The following DNAH11 variants were observed in gnomAD, a reference collection of about 807,000 sequenced individuals.
The protein encoded by DNAH11 is axonemal beta dynein heavy chain 11.
Under a neutral mutation model 526.0 loss-of-function variants are expected in DNAH11, and 442 were observed. The ratio of observed to expected loss-of-function variants is 0.84; its 90% CI spans 0.78 to 0.91. The LOEUF (loss-of-function observed/expected upper bound fraction) is 0.91, where lower values mean the gene tolerates loss of function less well. DNAH11 is among the 40% of genes least tolerant of loss of function. The pLI, the probability that DNAH11 is intolerant of heterozygous loss-of-function variation, is 0.00. For missense variants in DNAH11, 6,989 were observed against 5,448.7 expected (o/e 1.28, Z -8.90); for synonymous variants, 2,461 against 1,935.9 (o/e 1.27, Z -7.12).
intron 57 of DNAH11, among the ~76,000 whole-genome samples, chr7:21,782,905 C>G (rs1328302557): frequency 9.6e-6 from 1 of 103,644 alleles, no homozygotes; most frequent in Non-Finnish European, 2.0e-5. Context: ...ACGAAACTGT[C>G]TCAAAAAAAA....
chr7:21,889,644 A>G (rs1334299807), intron 76 of DNAH11, among the ~76,000 whole-genome samples: 1 of 152,230 alleles, frequency 6.6e-6, no homozygotes, highest in Admixed American at 6.5e-5. Context: ...GTCCCTGAAG[A>G]CTAACAATGT....
intron 6 of DNAH11, among the ~76,000 whole-genome samples, chr7:21,567,312 C>T (rs754568143): frequency 2.0e-5 from 3 of 152,052 alleles, no homozygotes; most frequent in African/African-American, 7.2e-5. Flanking sequence ...CCTCTTGTCA[C>T]CTACATGTTC....
At chr7:21,802,242 C>T (rs937980918) in intron 62 of DNAH11, among the ~76,000 whole-genome samples, 4 of 152,188 alleles carry the variant, frequency 2.6e-5, no homozygotes, top group African/African-American at 9.6e-5. Context: ...AGATGCTCAA[C>T]TCCATTAGTC....
At position 21,867,839 on chromosome 7, in the gene DNAH11, T is replaced by TC. The variant is rs55692559; in HGVS notation, c.11691-20_11691-19insC. 11,655 of 1,555,124 alleles carry TC rather than the reference T, an allele frequency of 7.5e-3. 740 individuals carry two copies. The African/African-American group carries it at 0.14, about 18-fold the overall frequency. ...AGGTCAAAACCACTGATCATGTTTT[T>TC]ATATTCTTGTTTTTTATAGAAATTT... On this transcript the variant is annotated intron_variant, in intron 71 of 81. Coordinates refer to ENST00000409508, the MANE Select transcript of DNAH11 (RefSeq NM_001277115.2).
intron 68 of DNAH11, among the ~76,000 whole-genome samples, chr7:21,859,957 G>C (rs1261159741): frequency 6.6e-6 from 1 of 152,060 alleles, no homozygotes; most frequent in Non-Finnish European, 1.5e-5. Context: ...CTCCAAAGAT[G>C]TTATAAAAAT....
intron 25 of DNAH11, among the ~76,000 whole-genome samples, chr7:21,631,416 A>G (rs1786602391): frequency 6.6e-6 from 1 of 152,198 alleles, no homozygotes; most frequent in Non-Finnish European, 1.5e-5. Context: ...TCAAGAGTCC[A>G]CAGTTGTTCA....
chr7:21,864,500 C>T (rs754231991), intron 69 of DNAH11, 35 bp from the exon 70 acceptor site: 3 of 1,600,762 alleles, frequency 1.9e-6, no homozygotes, highest in South Asian at 1.1e-5. Context: ...TTCATGTAAA[C>T]CTAATAATCC....
At chr7:21,704,773 A>G in intron 38 of DNAH11, 145 bp downstream of exon 38, 2 of 887,832 alleles carry the variant, frequency 2.3e-6, no homozygotes, top group South Asian at 2.2e-5. Context: ...TTCATATGGC[A>G]GGATTAAGTA....
intron 25 of DNAH11, among the ~76,000 whole-genome samples, chr7:21,621,364 T>A (rs1042944585): frequency 2.6e-5 from 4 of 152,104 alleles, no homozygotes; most frequent in African/African-American, 9.7e-5. Context: ...CAGGACCAGA[T>A]GGATTCACAG....
intron 62 of DNAH11, among the ~76,000 whole-genome samples, chr7:21,804,223 C>T (rs949496553): frequency 2.6e-5 from 4 of 152,160 alleles, no homozygotes; most frequent in Admixed American, 2.6e-4. Flanking sequence ...ATTCTCCTGC[C>T]TCAGCCTCCC....
At chr7:21,589,116 A>G (rs1784582983) in intron 11 of DNAH11, 92 bp from the exon 12 acceptor site, 4 of 978,714 alleles carry the variant, frequency 4.1e-6, no homozygotes, top group South Asian at 2.2e-5. Flanking sequence ...TTTATAGTGT[A>G]TTATATTTTA....
Position 21,558,808 on chromosome 7 carries a change from G to C in DNAH11, c.502G>C (p.Val168Leu). The C allele has an allele frequency of 6.3e-7, 1 of 1,575,358 alleles. No individual in the cohort carries two copies. The highest frequency in any genetic ancestry group is 2.3e-5 in the East Asian group (1 of 43,686). The change falls in exon 3 of 82, where the codon GTG (valine) becomes CTG (leucine). Residue 168 changes from valine to leucine, a missense_variant. Transcript: ENST00000409508. Reference sequence around the variant, plus strand: ...TATGTTTCTCTTTCTCTAGATTTTAGTGCCAGTTCTTTCTAATAAGAACAA... The same window carrying C: ...TATGTTTCTCTTTCTCTAGATTTTACTGCCAGTTCTTTCTAATAAGAACAA... The part of the protein sequence containing the change: ...HVSAFLDEIL[V>L]PVLSNKNNHK...
At position 21,711,885 on chromosome 7, in the gene DNAH11, G is replaced by A. The variant is rs72657351; in HGVS notation, c.6983+25G>A. On this transcript the variant is annotated intron_variant, in intron 42 of 81. Transcript: ENST00000409508. ...CGTGAGTATTTCTTTTTGTTTTATT[G>A]TAGTAAATTGTATGTAACATAACAT... 65 of 1,576,236 alleles carry A rather than the reference G, an allele frequency of 4.1e-5. 1 individual carries two copies. Among genetic ancestry groups the A allele is most frequent in the Admixed American group, 1.5e-4 (8 of 53,818 alleles).
In DNAH11 at chr7:21,744,974, G is replaced by C. The variant is rs770842569; in HGVS notation, c.8421G>C (p.Leu2807=). ...TGCCAGTGAAGGACTGGGAAGTGCT[G>C]AAGACGATTCTTACAGAAACGTTAG... ...HYMPVKDWEV[L]KTILTETLDN... is the part of the protein sequence containing the mutation. The change falls in exon 51 of 82, where the codon CTG becomes CTC. Residue 2807 remains leucine, a synonymous_variant. Transcript: ENST00000409508. The C allele has an allele frequency of 9.3e-6, 15 of 1,610,122 alleles. No individual in the cohort carries two copies. The highest frequency in any genetic ancestry group is 1.2e-5 in the Non-Finnish European group (14 of 1,178,246).
At position 21,787,491 on chromosome 7, in the gene DNAH11, G is replaced by T. The variant is rs1405362925; in HGVS notation, c.9832G>T (p.Asp3278Tyr). ...AGTGGTGAATGAACACTATTTGAAA[G>T]ACCCAGAGTTTAATCCAAACCTGAT... ...LKVVNEHYLK[D>Y]PEFNPNLIRT... The change falls in exon 60 of 82, where the codon GAC becomes TAC. Residue 3278 changes from aspartate to tyrosine, a missense_variant. Transcript: ENST00000409508. 6.2e-7 allele frequency: 1 copy of T among 1,613,810 alleles called. No individual in the cohort carries two copies. Among genetic ancestry groups the T allele is most frequent in the Non-Finnish European group, 8.5e-7 (1 of 1,179,780 alleles).
chr7:21,694,967 T>C (rs752078627), intron 35 of DNAH11, among the ~76,000 whole-genome samples: 1 of 152,186 alleles, frequency 6.6e-6, no homozygotes, highest in Non-Finnish European at 1.5e-5. Flanking sequence ...TGAACTTTTT[T>C]TCATAAGTTT....
At chr7:21,705,747 T>C (rs904607671) in intron 39 of DNAH11, among the ~76,000 whole-genome samples, 24 of 152,194 alleles carry the variant, frequency 1.6e-4, no homozygotes, top group African/African-American at 5.3e-4. Flanking sequence ...AAGAAACAAA[T>C]AGAGGATTGC....
chr7:21,869,941 T>G (rs1783432870), intron 73 of DNAH11, among the ~76,000 whole-genome samples: 1 of 152,144 alleles, frequency 6.6e-6, no homozygotes, highest in Non-Finnish European at 1.5e-5. Flanking sequence ...ATGTGCTGAC[T>G]CCATCCACAG....
At chr7:21,898,916 G>C (rs73683008) in intron 79 of DNAH11, among the ~76,000 whole-genome samples, 1 of 151,994 alleles carries the variant, frequency 6.6e-6, no homozygotes, top group Non-Finnish European at 1.5e-5. Context: ...CAGATTTCCC[G>C]GCAACTCTGG....
Sources: allele counts gnomAD v4.1 joint callset (sites outside exome capture counted in the v4.1 genomes callset), GRCh38; gene constraint gnomAD v4.1.1; transcripts MANE v1.5; gene names NCBI Gene and HGNC (gene_info 2026-07-23, HGNC 2026-07-21).